Variants in FANCI observed in about 807,000 individuals in gnomAD.
FANCI encodes the protein FA complementation group I.
Under a neutral mutation model 176.1 loss-of-function variants are expected in FANCI, and 156 were observed. The observed-to-expected ratio is 0.89, with a 90% CI of 0.78 to 1.01. The LOEUF (loss-of-function observed/expected upper bound fraction) is 1.01. Among genes scored for constraint, FANCI ranks in the 50% least tolerant of loss-of-function variants. The probability of loss-of-function intolerance (pLI) is 0.00; values close to 1 mark genes in which losing one functional copy is unlikely to be tolerated. For synonymous variants in FANCI, 613 were observed against 541.7 expected (o/e 1.13, Z -1.83); for missense variants, 1,678 against 1,534.1 (o/e 1.09, Z -1.57).
At chr15:89,292,583 A>C in intron 20 of FANCI, 105 bp from the exon 21 acceptor site, 4 of 1,157,786 alleles carry the variant, frequency 3.5e-6, no homozygotes, top group Non-Finnish European at 5.0e-6. Flanking sequence ...CCAATGAATC[A>C]TTTTCTTTAG....
At chr15:89,317,183 G>GT (rs1395585395), downstream of FANCI, 4 of 627,894 alleles carry the variant, frequency 6.4e-6, no homozygotes, top group African/African-American at 5.5e-5. Context: ...TTGAAGCTCT[G>GT]CTGCCTTCAT....
At chr15:89,280,280 A>G (rs2053566536) in intron 14 of FANCI, among the ~76,000 whole-genome samples, 1 of 152,130 alleles carries the variant, frequency 6.6e-6, no homozygotes, top group Admixed American at 6.6e-5. Flanking sequence ...TCAGGCTTCC[A>G]AAGTGCTGGG....
At chr15:89,315,197 C>A in intron 36 of FANCI, 85 bp from the exon 37 acceptor site, 1 of 985,834 alleles carries the variant, frequency 1.0e-6, no homozygotes, top group Non-Finnish European at 1.6e-6. Flanking sequence ...GGAAAGGTTT[C>A]TCAGAGGTGA....
chr15:89,309,366 G>C (rs1285375349), intron 34 of FANCI, among the ~76,000 whole-genome samples: 4 of 151,984 alleles, frequency 2.6e-5, no homozygotes, highest in Non-Finnish European at 4.4e-5. Flanking sequence ...TATATAGACT[G>C]AGACAGTCCT....
At chr15:89,273,868 G>T (rs2053301794) in intron 11 of FANCI, among the ~76,000 whole-genome samples, 1 of 152,158 alleles carries the variant, frequency 6.6e-6, no homozygotes, top group Non-Finnish European at 1.5e-5. Context: ...TGTGTTCCAG[G>T]TTGTGGGTAA....
intron 10 of FANCI, among the ~76,000 whole-genome samples, chr15:89,271,605 C>G (rs2053203006): frequency 1.3e-5 from 2 of 152,130 alleles, no homozygotes; most frequent in Admixed American, 6.6e-5. Context: ...CTCAAGTGAT[C>G]CTCCCACTGT....
chr15:89,266,165 G>GT (rs34065435), intron 9 of FANCI, among the ~76,000 whole-genome samples: 25,626 of 109,712 alleles, frequency 0.23, 4,161 homozygotes, highest in South Asian at 0.31. Flanking sequence ...CCTGGCTACT[G>GT]TTTTTTTTTT....
At chr15:89,260,611 T>G in intron 3 of FANCI, 102 bp from the exon 4 acceptor site, 1 of 1,461,024 alleles carries the variant, frequency 6.8e-7, no homozygotes, top group Non-Finnish European at 9.5e-7. Context: ...AGTCGTTTGA[T>G]AATTCTGTTT....
At chr15:89,288,052 G>T (rs1567161917) in intron 18 of FANCI, among the ~76,000 whole-genome samples, 1 of 152,188 alleles carries the variant, frequency 6.6e-6, no homozygotes, top group Non-Finnish European at 1.5e-5. Context: ...AGACTTGCTT[G>T]ATGTAGGGTT....
chr15:89,296,893 G>A (rs2096811680), intron 24 of FANCI, among the ~76,000 whole-genome samples: 1 of 148,586 alleles, frequency 6.7e-6, no homozygotes, highest in African/African-American at 2.5e-5. Flanking sequence ...TCACCTCCCG[G>A]ACGGGGCGGC....
chr15:89,246,036 A>G (rs2051952944), intron 1 of FANCI, among the ~76,000 whole-genome samples: 1 of 152,200 alleles, frequency 6.6e-6, no homozygotes. Flanking sequence ...GTGAAGGATG[A>G]AGGCAAAGTT....
At chr15:89,268,929 C>A (rs114200290) in intron 10 of FANCI, among the ~76,000 whole-genome samples, 1,715 of 152,142 alleles carry the variant, frequency 0.011, 29 homozygotes, top group African/African-American at 0.039. Flanking sequence ...GATGTTGCAT[C>A]TAGTAGTATA....
At position 89,281,413 on chromosome 15, in the gene FANCI, G is replaced by C. The variant is rs1032368736; in HGVS notation, c.1512+113G>C. ...GTCTAAGAAATTCTATTCCACTTTA[G>C]TCTGAAACATAAAATTTGCATTAAA... is the stretch of plus-strand genomic sequence containing the variant. On this transcript the variant is annotated intron_variant, in intron 15 of 37. Transcript: ENST00000310775. The C allele has an allele frequency of 5.2e-6, 7 of 1,338,544 alleles. No individual in the cohort carries two copies. The South Asian group carries it at 8.5e-5, about 16-fold the overall frequency. 82.9% of individuals were successfully genotyped at this position (1,338,544 alleles called of 1,614,324 possible).
At chr15:89,278,976 T>C (rs1338074514) in intron 14 of FANCI, among the ~76,000 whole-genome samples, 1 of 152,206 alleles carries the variant, frequency 6.6e-6, no homozygotes, top group Non-Finnish European at 1.5e-5. Context: ...AAAGCAACAA[T>C]TAACCAATAA....
intron 34 of FANCI, among the ~76,000 whole-genome samples, chr15:89,312,246 A>G (rs1332383483): frequency 6.6e-6 from 1 of 152,144 alleles, no homozygotes; most frequent in African/African-American, 2.4e-5. Flanking sequence ...AGAAATAGAA[A>G]TGAATATTCC....
intron 34 of FANCI, among the ~76,000 whole-genome samples, chr15:89,311,517 G>A (rs138670437): frequency 1.3e-5 from 2 of 152,140 alleles, no homozygotes; most frequent in African/African-American, 4.8e-5. Flanking sequence ...GTTCCAACAG[G>A]GCCCCATCTT....
At chr15:89,267,403 A>C (rs934626948) in intron 9 of FANCI, among the ~76,000 whole-genome samples, 3 of 151,590 alleles carry the variant, frequency 2.0e-5, no homozygotes, top group African/African-American at 7.3e-5. Flanking sequence ...ATTTTTCAAG[A>C]AAGAAGTAGT....
chr15:89,281,090 C>A, intron 14 of FANCI, 80 bp from the exon 15 acceptor site: 1 of 1,448,436 alleles, frequency 6.9e-7, no homozygotes. Flanking sequence ...AAAGACTTCA[C>A]ATTTCTTTCT....
At chr15:89,308,287 C>A in intron 34 of FANCI, 2 of 559,722 alleles carry the variant, frequency 3.6e-6, no homozygotes, top group Non-Finnish European at 4.5e-6. Flanking sequence ...ATGCCAGTAG[C>A]AGCCCCCTAG....
Sources: gnomAD v4.1 joint callset for allele counts (sites outside exome capture counted in the v4.1 genomes callset) on GRCh38, gnomAD v4.1.1 for gene constraint, MANE v1.5 for transcripts, NCBI Gene and HGNC (gene_info 2026-07-23, HGNC 2026-07-21) for gene names.